The following RHBDF2 variants were observed in gnomAD, a reference collection of about 807,000 sequenced individuals.
RHBDF2 encodes the protein inactive rhomboid protein 2.
Under a neutral mutation model 95.2 loss-of-function variants are expected in RHBDF2, and 38 were observed. That is an observed-to-expected ratio of 0.40 (90% CI 0.31 to 0.52). The LOEUF is 0.52. RHBDF2 is among the 20% of genes least tolerant of loss of function. The pLI is 0.56. For missense variants in RHBDF2, 863 were observed against 1,137.7 expected, an observed-to-expected ratio of 0.76 and a Z score of 3.47; for synonymous variants, 442 against 462.0, an observed-to-expected ratio of 0.96 and a Z score of 0.55.
At chr17:76,474,223 C>T in intron 12 of RHBDF2, 81 bp from the exon 13 acceptor site, 1 of 1,337,506 alleles carries the variant, frequency 7.5e-7, no homozygotes, top group South Asian at 1.3e-5. Flanking sequence ...AGGCTTTTCC[C>T]ATCTCCCCAG....
Position 76,477,315 on chromosome 17 carries a change from G to C in RHBDF2, c.802-17C>G. 6.2e-7 allele frequency: 1 copy of C among 1,609,990 alleles called. No individual in the cohort carries two copies. Among genetic ancestry groups the C allele is most frequent in the Non-Finnish European group, 8.5e-7 (1 of 1,178,484 alleles). On this transcript the variant is annotated splice_polypyrimidine_tract_variant and intron_variant, in intron 7 of 18. Transcript: ENST00000675367. The stretch of plus-strand genomic sequence containing the variant: ...CATTTCTTCCTGGGGTGGGGGACAA[G>C]AAAATACAGTGTAAGGAGTCTGTCC...
chr17:76,478,099 T>C (rs990495864), intron 6 of RHBDF2, among the ~76,000 whole-genome samples: 3 of 152,220 alleles, frequency 2.0e-5, no homozygotes, highest in African/African-American at 7.2e-5. Context: ...ACCCACATTC[T>C]ATACCCTCAC....
chr17:76,500,438 G>A (rs753433769), intron 1 of RHBDF2, among the ~76,000 whole-genome samples: 3 of 152,142 alleles, frequency 2.0e-5, no homozygotes, highest in Non-Finnish European at 2.9e-5. Flanking sequence ...GGTCGAATAA[G>A]GCAGATGCTG....
intron 3 of RHBDF2, among the ~76,000 whole-genome samples, chr17:76,481,139 G>T (rs527483191): frequency 6.6e-6 from 1 of 152,288 alleles, no homozygotes; most frequent in East Asian, 1.9e-4. Context: ...CTTTCTTGGG[G>T]CTGGCCCTTC....
At chr17:76,479,637 G>A (rs774553188) in intron 4 of RHBDF2, 96 bp downstream of exon 4, 2 of 925,916 alleles carry the variant, frequency 2.2e-6, no homozygotes, top group Non-Finnish European at 3.4e-6. Flanking sequence ...TCCTTCCAGA[G>A]AGGGGACGCA....
At chr17:76,500,341 T>C (rs2074548248) in intron 1 of RHBDF2, among the ~76,000 whole-genome samples, 2 of 152,240 alleles carry the variant, frequency 1.3e-5, no homozygotes, top group African/African-American at 4.8e-5. Flanking sequence ...TTGCCAAATA[T>C]CCCATGGCAG....
intron 2 of RHBDF2, among the ~76,000 whole-genome samples, chr17:76,483,855 G>A (rs922286739): frequency 3.3e-5 from 5 of 152,188 alleles, no homozygotes; most frequent in Admixed American, 2.6e-4. Context: ...TTTCCTGTGC[G>A]TGTGCCACCA....
rs76764510 is a variant in RHBDF2, at chr17:76,471,582, C to G, written c.*51G>C. 0.027 allele frequency: 41,548 copies of G among 1,510,872 alleles called. 1,389 individuals carry two copies. The highest frequency in any genetic ancestry group is 0.12 in the South Asian group (9,047 of 75,588). 93.6% of individuals were successfully genotyped at this position (1,510,872 alleles called of 1,614,324 possible). A position where few individuals can be genotyped will look rare whatever the true frequency, so the allele number is the denominator to read the frequency against. On this transcript the variant is annotated 3_prime_UTR_variant, in exon 19 of 19. Transcript: ENST00000675367. ...AGCGCTCTGCAGAGGGCAGCCCTCG[C>G]AGGCAGACCCTGTTCCAGCAGGGCT...
At chr17:76,499,977 T>C (rs967727492) in intron 1 of RHBDF2, among the ~76,000 whole-genome samples, 9 of 151,972 alleles carry the variant, frequency 5.9e-5, no homozygotes, top group Non-Finnish European at 8.8e-5. Flanking sequence ...GGAAAGGCGG[T>C]GTCTCATGGC....
At chr17:76,496,816 C>T (rs1428968230) in intron 1 of RHBDF2, among the ~76,000 whole-genome samples, 2 of 152,088 alleles carry the variant, frequency 1.3e-5, no homozygotes, top group African/African-American at 4.8e-5. Context: ...GGCTGGAGTG[C>T]AGTAGGGTGA....
chr17:76,471,742 A>G lies in RHBDF2; in HGVS notation c.2375T>C (p.Leu792Pro). The change falls in exon 19 of 19, where the codon CTG (leucine) becomes CCG (proline). Residue 792 changes from leucine to proline, a missense_variant. Physicochemically the swap from Leu to Pro is moderately conservative, Grantham distance 98. Around this residue, in one of 2 missense-constraint regions of RHBDF2, gnomAD observed 252 missense variants for 412.2 expected, o/e 0.61. Transcript: ENST00000675367. ...AFAGLFAALV[L>P]WLYIYPINWP... ...GTTAATGGGGTAGATGTACAGCCAC[A>G]GCACGAGGGCGGCGAAGAGGCCGGC... is the stretch of plus-strand genomic sequence containing the variant. The G allele has an allele frequency of 6.2e-7, 1 of 1,611,142 alleles. No individual in the cohort carries two copies. Among genetic ancestry groups the G allele is most frequent in the Non-Finnish European group, 8.5e-7 (1 of 1,178,752 alleles).
chr17:76,474,361 G>T lies in RHBDF2; in HGVS notation c.1464+12C>A. 1.2e-6 allele frequency: 2 copies of T among 1,610,172 alleles called. No homozygotes were observed. The highest frequency in any genetic ancestry group is 8.5e-7 in the Non-Finnish European group (1 of 1,178,548). ...GGGTCTGGCAGGGGTAGGAGGGAGG[G>T]CCTGCCCCCACCGAGCAGTCCTTCC... On this transcript the variant is annotated intron_variant, in intron 12 of 18. Transcript: ENST00000675367.
chr17:76,478,871 G>A lies in RHBDF2; in HGVS notation c.607C>T (p.Leu203=). 2 of 1,613,528 alleles carry A rather than the reference G, an allele frequency of 1.2e-6. No homozygotes were observed. Among genetic ancestry groups the A allele is most frequent in the Non-Finnish European group, 1.7e-6 (2 of 1,179,786 alleles). ...FTSVRSGYSH[L]PRRKRMSVAH... ...ACAGACATTCTCTTGCGGCGTGGCA[G>A]GTGGGAGTAGCCAGAACGGACACTG... Residue 203 remains leucine, a synonymous_variant, in exon 6 of 19, where the codon CTG becomes TTG. Coordinates refer to ENST00000675367, the MANE Select transcript of RHBDF2 (RefSeq NM_001005498.4).
chr17:76,489,588 G>T (rs534214263), intron 1 of RHBDF2, among the ~76,000 whole-genome samples: 86 of 152,324 alleles, frequency 5.6e-4, no homozygotes, highest in Non-Finnish European at 7.5e-4. Context: ...CTCCCAAAGT[G>T]CTGGGATTAC....
At position 76,481,531 on chromosome 17, in the gene RHBDF2, C is replaced by T. The variant is rs1301965870; in HGVS notation, c.-7G>A. ...TCTTGTCAGCAGAGGCCATTGTGGGCAGGAGGCGGGAGGGCTGGAATGGAG... is the reference window on the plus strand; with the variant it reads ...TCTTGTCAGCAGAGGCCATTGTGGGTAGGAGGCGGGAGGGCTGGAATGGAG... On this transcript the variant is annotated 5_prime_UTR_variant, in exon 3 of 19. Transcript: ENST00000675367. 3.1e-6 allele frequency: 5 copies of T among 1,606,500 alleles called. No individual in the cohort carries two copies. The highest frequency in any genetic ancestry group is 4.2e-6 in the Non-Finnish European group (5 of 1,179,064).
At chr17:76,472,588 G>A (rs780555340) in intron 18 of RHBDF2, 98 bp downstream of exon 18, 110 of 1,489,640 alleles carry the variant, frequency 7.4e-5, no homozygotes, top group Non-Finnish European at 9.5e-5. Context: ...AGTACAGGAG[G>A]GGCACCGTGT....
chr17:76,476,450 C>T (rs940164278), intron 9 of RHBDF2: 3 of 194,384 alleles, frequency 1.5e-5, no homozygotes, highest in African/African-American at 4.7e-5. Context: ...TGAGCCACGG[C>T]GCCCAGCCCT....
At chr17:76,474,888 G>C in intron 10 of RHBDF2, 84 bp from the exon 11 acceptor site, 1 of 1,561,406 alleles carries the variant, frequency 6.4e-7, no homozygotes, top group Admixed American at 1.7e-5. Context: ...CCCCAGGATA[G>C]AGCCTCCAGG....
At position 76,472,633 on chromosome 17, in the gene RHBDF2, C is replaced by A. The variant is rs774136735; in HGVS notation, c.2064+53G>T. On this transcript the variant is annotated intron_variant, in intron 18 of 18. Coordinates refer to ENST00000675367, the MANE Select transcript of RHBDF2 (RefSeq NM_001005498.4). ...AGATCCCAGGTGGGTGGAATAGGAG[C>A]AGCAGGGCTGGCCCCCTATGTGCGG... The A allele has an allele frequency of 2.5e-5, 40 of 1,610,206 alleles. 1 individual carries two copies. The South Asian group carries it at 2.5e-4, about 10-fold the overall frequency.
Sources: gnomAD v4.1 joint callset for allele counts (sites outside exome capture counted in the v4.1 genomes callset) on GRCh38, gnomAD v4.1.1 for gene constraint, gnomAD v4.1.1 regional missense constraint, MANE v1.5 for transcripts, NCBI Gene and HGNC (gene_info 2026-07-23, HGNC 2026-07-21) for gene names.